CSMD1: variants seen among roughly 807,000 people sequenced by gnomAD.
CSMD1 encodes CUB and sushi domain-containing protein 1.
A neutral mutation model predicts 417.5 loss-of-function variants in CSMD1; 213 were observed. That is an observed-to-expected ratio of 0.51 (90% CI 0.46 to 0.57). CSMD1 has a LOEUF of 0.57. CSMD1 is among the 20% of genes least tolerant of loss of function. The pLI, the probability that CSMD1 is intolerant of heterozygous loss-of-function variation, is 0.00. For synonymous variants in CSMD1, 2,862 were observed against 1,736.8 expected (o/e 1.65, Z -16.11); for missense variants, 6,923 against 4,529.7 (o/e 1.53, Z -15.17).
intron 12 of CSMD1, among the ~76,000 whole-genome samples, chr8:3,447,815 G>T (rs1175689257): frequency 6.6e-6 from 1 of 152,112 alleles, no homozygotes; most frequent in Non-Finnish European, 1.5e-5. Flanking sequence ...AGGACCACTT[G>T]GGGCCATTTT....
At chr8:4,820,342 A>G (rs1207259307) in intron 1 of CSMD1, among the ~76,000 whole-genome samples, 4 of 152,210 alleles carry the variant, frequency 2.6e-5, no homozygotes, top group South Asian at 2.1e-4. Flanking sequence ...CATTATAAAA[A>G]GGTAAGAATG....
At chr8:4,698,649 A>C (rs372226576) in intron 1 of CSMD1, among the ~76,000 whole-genome samples, 1 of 151,418 alleles carries the variant, frequency 6.6e-6, no homozygotes, top group Non-Finnish European at 1.5e-5. Context: ...GCAAGAAGGA[A>C]GGGAGAAGAC....
At chr8:3,280,785 C>CTGATA (rs1563220072) in intron 26 of CSMD1, among the ~76,000 whole-genome samples, 1 of 904 alleles carries the variant, frequency 1.1e-3, no homozygotes, top group Non-Finnish European at 2.2e-3. Flanking sequence ...TTACTAAACA[C>CTGATA]TAATAATTAA....
At chr8:3,270,393 G>T (rs1801752885) in intron 26 of CSMD1, among the ~76,000 whole-genome samples, 1 of 151,922 alleles carries the variant, frequency 6.6e-6, no homozygotes, top group Non-Finnish European at 1.5e-5. Context: ...GCTGCCTCAA[G>T]ATTATTTTAA....
intron 1 of CSMD1, among the ~76,000 whole-genome samples, chr8:4,945,140 C>T (rs1808283775): frequency 6.6e-6 from 1 of 152,098 alleles, no homozygotes; most frequent in Admixed American, 6.5e-5. Flanking sequence ...CGTAATTAGC[C>T]ACCCACAACA....
chr8:3,779,409 C>A (rs963963933), intron 5 of CSMD1, among the ~76,000 whole-genome samples: 3 of 152,048 alleles, frequency 2.0e-5, no homozygotes, highest in African/African-American at 7.2e-5. Flanking sequence ...TCGATGAGCA[C>A]TACGTAGGAG....
intron 3 of CSMD1, among the ~76,000 whole-genome samples, chr8:4,301,350 T>G (rs1050526095): frequency 6.6e-6 from 1 of 152,210 alleles, no homozygotes; most frequent in African/African-American, 2.4e-5. Context: ...GCTTTTGCTT[T>G]GACTGTACCA....
Position 4,087,178 on chromosome 8 carries a change from G to C in CSMD1, c.416-55079C>G, listed in dbSNP as rs148838263. Among the ~76,000 whole-genome samples, 95 of 152,254 alleles carry C rather than the reference G, an allele frequency of 6.2e-4. 2 individuals are homozygous for C. The highest frequency in any genetic ancestry group is 2.2e-3 in the African/African-American group (92 of 41,560). On this transcript the variant is annotated intron_variant, in intron 3 of 69. Transcript: ENST00000635120. ...GACCCACTCTTCTCACCTCCTTTCA[G>C]GGCATCTCAGCACAACTTAGCAGCC...
chr8:4,273,690 G>T (rs2128853677), intron 3 of CSMD1, among the ~76,000 whole-genome samples: 1 of 152,234 alleles, frequency 6.6e-6, no homozygotes, highest in Non-Finnish European at 1.5e-5. Context: ...CCTGGATATG[G>T]TATTCGAATA....
chr8:4,903,938 G>A (rs764953179), intron 1 of CSMD1, among the ~76,000 whole-genome samples: 4 of 152,126 alleles, frequency 2.6e-5, no homozygotes, highest in Non-Finnish European at 4.4e-5. Context: ...AGCCTATTAC[G>A]GAATTTGCTA....
intron 26 of CSMD1, among the ~76,000 whole-genome samples, chr8:3,275,064 T>A (rs1383936561): frequency 6.6e-6 from 1 of 152,220 alleles, no homozygotes; most frequent in African/African-American, 2.4e-5. Context: ...CCGTGCCTGG[T>A]ACCTTTTGTT....
chr8:4,308,702 T>G (rs1376599875), intron 3 of CSMD1, among the ~76,000 whole-genome samples: 2 of 152,210 alleles, frequency 1.3e-5, no homozygotes, highest in Non-Finnish European at 2.9e-5. Flanking sequence ...GGAGTTTAAT[T>G]GCATTTGCAT....
At chr8:4,682,519 T>A (rs765043337) in intron 1 of CSMD1, among the ~76,000 whole-genome samples, 29 of 152,128 alleles carry the variant, frequency 1.9e-4, no homozygotes, top group Admixed American at 5.9e-4. Context: ...ATGTTTTTCA[T>A]TAGCATCAGA....
intron 5 of CSMD1, among the ~76,000 whole-genome samples, chr8:3,973,509 C>G (rs1813218306): frequency 6.6e-6 from 1 of 152,138 alleles, no homozygotes; most frequent in African/African-American, 2.4e-5. Flanking sequence ...CCCAACAAAT[C>G]ATTCTGGTAT....
At chr8:4,698,545 G>C (rs1584959961) in intron 1 of CSMD1, among the ~76,000 whole-genome samples, 3 of 151,762 alleles carry the variant, frequency 2.0e-5, no homozygotes, top group African/African-American at 7.3e-5. Flanking sequence ...GTTTATTTTT[G>C]AGACAGGGAC....
chr8:2,991,951 T>G (rs1161684950), intron 54 of CSMD1, among the ~76,000 whole-genome samples: 2 of 152,204 alleles, frequency 1.3e-5, no homozygotes, highest in African/African-American at 4.8e-5. Context: ...TACTCTACTG[T>G]CAAGTACAGA....
intron 20 of CSMD1, among the ~76,000 whole-genome samples, chr8:3,364,626 C>G (rs112907675): frequency 5.3e-5 from 8 of 152,052 alleles, no homozygotes; most frequent in African/African-American, 1.7e-4. Context: ...AGGGACCCAC[C>G]CTCATTAATG....
At chr8:4,907,224 T>C (rs1805344080) in intron 1 of CSMD1, among the ~76,000 whole-genome samples, 1 of 152,202 alleles carries the variant, frequency 6.6e-6, no homozygotes, top group South Asian at 2.1e-4. Flanking sequence ...ATCTTCCTAG[T>C]GAAAAGCTAC....
intron 3 of CSMD1, among the ~76,000 whole-genome samples, chr8:4,038,902 T>C (rs1797749445): frequency 6.6e-6 from 1 of 152,082 alleles, no homozygotes; most frequent in Admixed American, 6.5e-5. Context: ...CACACGAAAA[T>C]TCCCTCCGTA....
Sources: gnomAD v4.1 joint callset for allele counts (sites outside exome capture counted in the v4.1 genomes callset) on GRCh38, gnomAD v4.1.1 for gene constraint, MANE v1.5 for transcripts, NCBI Gene and HGNC (gene_info 2026-07-23, HGNC 2026-07-21) for gene names.